FAM216A: variants seen among roughly 807,000 people sequenced by gnomAD.
FAM216A encodes the protein protein FAM216A.
A neutral mutation model predicts 37.6 loss-of-function variants in FAM216A; 26 were observed. The observed-to-expected ratio is 0.69, with a 90% CI of 0.51 to 0.96. FAM216A has a LOEUF of 0.96. Among genes scored for constraint, FAM216A ranks in the 40% least tolerant of loss-of-function variants. The pLI, the probability that FAM216A is intolerant of heterozygous loss-of-function variation, is 0.00. For synonymous variants in FAM216A, 110 were observed against 121.7 expected, an observed-to-expected ratio of 0.90 and a Z score of 0.64; for missense variants, 326 against 339.3, an observed-to-expected ratio of 0.96 and a Z score of 0.31.
chr12:110,469,109 G>A, intron 1 of FAM216A, 91 bp downstream of exon 1: 1 of 1,308,422 alleles, frequency 7.6e-7, no homozygotes, highest in Non-Finnish European at 9.8e-7. Context: ...GGAGGGCTGC[G>A]GCCGACCTCT....
At chr12:110,483,080 C>T (rs541969182) in intron 2 of FAM216A, among the ~76,000 whole-genome samples, 1 of 152,092 alleles carries the variant, frequency 6.6e-6, no homozygotes, top group Non-Finnish European at 1.5e-5. Flanking sequence ...AACCCCAGCA[C>T]TTTGGGAGGC....
chr12:110,482,792 C>T lies in FAM216A; in HGVS notation c.185-2286C>T, dbSNP rs549550220. Among the ~76,000 whole-genome samples the T allele has an allele frequency of 1.4e-3, 197 of 141,388 alleles. 1 individual carries two copies. The highest frequency in any genetic ancestry group is 0.012 in the South Asian group (53 of 4,590). The allele number at this position is 141,388 out of a possible 152,430, so 92.8% of individuals were successfully genotyped here. ...TCTGGGCAACAGAGCAAGACTCCATCTCAAAAAAAAAAAAAAAGATAACCC... is the reference window on the plus strand; with the variant it reads ...TCTGGGCAACAGAGCAAGACTCCATTTCAAAAAAAAAAAAAAAGATAACCC... On this transcript the variant is annotated intron_variant, in intron 2 of 6. Coordinates refer to ENST00000377673, the MANE Select transcript of FAM216A (RefSeq NM_013300.3).
chr12:110,490,343 T>G lies in FAM216A; in HGVS notation c.*206T>G. On this transcript the variant is annotated 3_prime_UTR_variant, in exon 7 of 7. Transcript: ENST00000377673. ...AGAAAATTTACATGTAACATATACTTGTACTTCTAGCTAGATACAATTAAA... is the reference window on the plus strand; with the variant it reads ...AGAAAATTTACATGTAACATATACTGGTACTTCTAGCTAGATACAATTAAA... 1 of 525,638 alleles carries G rather than the reference T, an allele frequency of 1.9e-6. No individual in the cohort carries two copies. The highest frequency in any genetic ancestry group is 3.4e-6 in the Non-Finnish European group (1 of 296,448). 32.6% of individuals were successfully genotyped at this position (525,638 alleles called of 1,614,324 possible). A position where few individuals can be genotyped will look rare whatever the true frequency, so the allele number is the denominator to read the frequency against.
At chr12:110,477,658 G>C (rs1465887166) in intron 2 of FAM216A, among the ~76,000 whole-genome samples, 2 of 148,534 alleles carry the variant, frequency 1.3e-5, no homozygotes, top group Non-Finnish European at 3.0e-5. Flanking sequence ...GCCCAGTCTT[G>C]TCATCCATTC....
chr12:110,478,625 T>C (rs2062728634), intron 2 of FAM216A, among the ~76,000 whole-genome samples: 1 of 151,990 alleles, frequency 6.6e-6, no homozygotes, highest in African/African-American at 2.4e-5. Flanking sequence ...GTCAAGGAAA[T>C]AGGGACTTTG....
At position 110,488,970 on chromosome 12, in the gene FAM216A, CA is replaced by C. The variant is rs1205140096; in HGVS notation, c.703+1031del. Among the ~76,000 whole-genome samples, 3 of 152,210 alleles carry C rather than the reference CA, an allele frequency of 2.0e-5. No individual in the cohort carries two copies. In the East Asian group the frequency reaches 5.8e-4, roughly 29 times the overall value. ...GTATACCATTTTGTTTGATATTCAA[CA>C]AAACAGTGGAGGCAAGCCAAGCAGG... On this transcript the variant is annotated intron_variant, in intron 6 of 6. Coordinates refer to ENST00000377673, the MANE Select transcript of FAM216A (RefSeq NM_013300.3).
chr12:110,482,527 G>A (rs1425663953), intron 2 of FAM216A, among the ~76,000 whole-genome samples: 1 of 151,974 alleles, frequency 6.6e-6, no homozygotes, highest in African/African-American at 2.4e-5. Context: ...CGGGCACGGT[G>A]GCTCACGCCT....
Position 110,486,709 on chromosome 12 carries a change from CAAAG to C in FAM216A, c.615_618del (p.Glu206GlyfsTer2). On this transcript the variant is annotated frameshift_variant, in exon 5 of 7. Transcript: ENST00000377673. LOFTEE classifies it high-confidence loss of function. The stretch of plus-strand genomic sequence containing the variant: ...ATTCCCTTTGGCGGCCAGTGAGAAA[CAAAG>C]AAGGGTCTGTTTCTTAGTGTAAAAG... 1 of 1,612,658 alleles carries C rather than the reference CAAAG, an allele frequency of 6.2e-7. No individual in the cohort carries two copies.
At chr12:110,483,052 G>A (rs574548019) in intron 2 of FAM216A, among the ~76,000 whole-genome samples, 10 of 151,782 alleles carry the variant, frequency 6.6e-5, no homozygotes, top group South Asian at 2.1e-4. Context: ...GGGGCCAGGC[G>A]CGGTGGCTCA....
Position 110,486,690 on chromosome 12 carries a change from T to C in FAM216A, c.593T>C (p.Leu198Pro), listed in dbSNP as rs763129910. The C allele has an allele frequency of 6.2e-7, 1 of 1,613,570 alleles. No individual in the cohort carries two copies. The highest frequency in any genetic ancestry group is 1.3e-5 in the African/African-American group (1 of 74,890). Residue 198 changes from leucine (L) to proline (P), a missense_variant, in exon 5 of 7, where the codon CTT becomes CCT. By Grantham distance (98) the Leu-to-Pro change is moderately conservative. Coordinates refer to ENST00000377673, the MANE Select transcript of FAM216A (RefSeq NM_013300.3). ...CCTGAAATGCTCATACAGCATTCCC[T>C]TTGGCGGCCAGTGAGAAACAAAGAA... ...SAPEMLIQHS[L>P]WRPVRNKEGI...
intron 1 of FAM216A, 158 bp downstream of exon 1, chr12:110,469,176 TGGACAGA>T (rs1468263258): frequency 2.3e-6 from 2 of 856,446 alleles, no homozygotes; most frequent in Non-Finnish European, 3.3e-6. Flanking sequence ...AGTTTTGTTG[TGGACAGA>T]GGGCAGAGGG....
chr12:110,486,913 G>A, intron 5 of FAM216A, 196 bp downstream of exon 5: 1 of 540,650 alleles, frequency 1.8e-6, no homozygotes, highest in Non-Finnish European at 3.2e-6. Context: ...AAACCACCAT[G>A]CCCTGCTAGT....
In FAM216A at chr12:110,483,165, A is replaced by AT. The variant is rs2135551962; in HGVS notation, c.185-1913_185-1912insT. Among the ~76,000 whole-genome samples, 11 of 151,968 alleles carry AT rather than the reference A, an allele frequency of 7.2e-5. No individual in the cohort carries two copies. The South Asian group carries it at 2.3e-3, about 32-fold the overall frequency. On this transcript the variant is annotated intron_variant, in intron 2 of 6. Transcript: ENST00000377673. ...ACAGTGAAACGCCGTCTCTACTAAAAATACAAAAACTAGCTGGGCGTGGTG... is the reference window on the plus strand; with the variant it reads ...ACAGTGAAACGCCGTCTCTACTAAAATATACAAAAACTAGCTGGGCGTGGTG...
At chr12:110,484,426 C>CAAAA (rs61648841) in intron 2 of FAM216A, among the ~76,000 whole-genome samples, 4 of 51,272 alleles carry the variant, frequency 7.8e-5, no homozygotes, top group Non-Finnish European at 1.4e-4. Context: ...GACTCCGTCT[C>CAAAA]AAAAAAAAAA....
At chr12:110,468,482 A>C, upstream of FAM216A, 1 of 1,537,120 alleles carries the variant, frequency 6.5e-7, no homozygotes, top group Non-Finnish European at 8.7e-7. Flanking sequence ...CTGAGTAATA[A>C]CGGACAACAG....
Position 110,490,063 on chromosome 12 carries a change from GA to G in FAM216A, c.750del (p.Glu251LysfsTer4). 1 of 1,558,830 alleles carries G rather than the reference GA, an allele frequency of 6.4e-7. No individual in the cohort carries two copies. The highest frequency in any genetic ancestry group is 8.8e-7 in the Non-Finnish European group (1 of 1,130,382). ...ATCACACATGAGTGAAGAAAAAAAG[GA>G]AGAAGATTTACTAAATAATTTTATG... ...SESHMSEEKK[E>X]EDLLNNFMQS... On this transcript the variant is annotated frameshift_variant, in exon 7 of 7. Coordinates refer to ENST00000377673, the MANE Select transcript of FAM216A (RefSeq NM_013300.3). LOFTEE classifies it high-confidence loss of function.
chr12:110,484,814 G>A (rs943925121), intron 2 of FAM216A, among the ~76,000 whole-genome samples: 3 of 150,892 alleles, frequency 2.0e-5, no homozygotes, highest in South Asian at 4.2e-4. Flanking sequence ...CTGCAGTGGC[G>A]CTATCCTGGC....
chr12:110,489,480 C>CA (rs11397208), intron 6 of FAM216A, among the ~76,000 whole-genome samples: 20,737 of 113,978 alleles, frequency 0.18, 1,939 homozygotes, highest in African/African-American at 0.33. Flanking sequence ...CTCTAGTCTC[C>CA]AAAAAAAAAA....
chr12:110,486,792 T>C, intron 5 of FAM216A, 75 bp downstream of exon 5: 3 of 1,336,192 alleles, frequency 2.2e-6, no homozygotes, highest in Non-Finnish European at 3.1e-6. Context: ...GGTTTTGTTC[T>C]CTCACCCAGG....
Sources: allele counts gnomAD v4.1 joint callset (sites outside exome capture counted in the v4.1 genomes callset), GRCh38; gene constraint gnomAD v4.1.1; transcripts MANE v1.5; gene names NCBI Gene and HGNC (gene_info 2026-07-23, HGNC 2026-07-21).